The following URI1 variants were observed in gnomAD, a reference collection of about 807,000 sequenced individuals.
URI1 encodes unconventional prefoldin RPB5 interactor 1.
A neutral mutation model predicts 60.2 loss-of-function variants in URI1; 39 were observed. The observed-to-expected ratio is 0.65, with a 90% confidence interval of 0.50 to 0.85. URI1 has a LOEUF of 0.85. Among genes scored for constraint, URI1 ranks in the 40% least tolerant of loss-of-function variants. URI1 has a pLI of 0.00. For synonymous variants in URI1, 251 were observed against 236.8 expected, an observed-to-expected ratio of 1.06 and a Z score of -0.55; for missense variants, 691 against 665.9, an observed-to-expected ratio of 1.04 and a Z score of -0.42.
rs2054973142 is a variant in URI1, at chr19:29,936,406, CTA to C, written c.63+12654_63+12655del. Among the ~76,000 whole-genome samples, 3 of 152,204 alleles carry C rather than the reference CTA, an allele frequency of 2.0e-5. No homozygotes were observed. In the East Asian group the frequency reaches 5.8e-4, roughly 29 times the overall value. On this transcript the variant is annotated intron_variant, in intron 1 of 10. Coordinates refer to the URI1 transcript ENST00000360605. Reference sequence around the variant, plus strand: ...GCCTGAGCCACTGCACCCAGCCCCTCTATGGTTTCTGATGAAAGCTTAGCTAT... The same window carrying C: ...GCCTGAGCCACTGCACCCAGCCCCTCTGGTTTCTGATGAAAGCTTAGCTAT...
At chr19:29,934,678 G>A (rs1369862550) in intron 1 of URI1, among the ~76,000 whole-genome samples, 2 of 152,156 alleles carry the variant, frequency 1.3e-5, no homozygotes, top group African/African-American at 4.8e-5. Context: ...TGTGACTACA[G>A]GCATGTGCCA....
At chr19:30,011,647 A>C (rs912270336) in intron 9 of URI1, among the ~76,000 whole-genome samples, 3 of 149,874 alleles carry the variant, frequency 2.0e-5, no homozygotes, top group African/African-American at 7.4e-5. Flanking sequence ...TTTTTTTGGA[A>C]TTGTTTGTTG....
At chr19:29,934,092 C>T (rs1021241751) in intron 1 of URI1, among the ~76,000 whole-genome samples, 12 of 151,394 alleles carry the variant, frequency 7.9e-5, no homozygotes, top group Admixed American at 3.3e-4. Flanking sequence ...CCTGCCACCA[C>T]GCCCGGCTAA....
chr19:29,965,267 A>G (rs1295723578), intron 1 of URI1, among the ~76,000 whole-genome samples: 2 of 152,130 alleles, frequency 1.3e-5, no homozygotes, highest in Non-Finnish European at 2.9e-5. Context: ...GTGGCTACAG[A>G]CGGAGAAATG....
chr19:29,954,506 A>G (rs899363886), intron 1 of URI1, among the ~76,000 whole-genome samples: 1 of 130,774 alleles, frequency 7.6e-6, no homozygotes, highest in Non-Finnish European at 1.6e-5. Context: ...ACCCCTACAG[A>G]TAAACTTTTT....
chr19:29,980,070 T>G (rs2055573827), intron 2 of URI1: 1 of 152,168 alleles, frequency 6.6e-6, no homozygotes, highest in Admixed American at 6.5e-5. Flanking sequence ...AAAAAATCAT[T>G]ATTTCTTGCT....
chr19:29,929,030 A>G (rs1019128482), intron 1 of URI1, among the ~76,000 whole-genome samples: 1 of 152,210 alleles, frequency 6.6e-6, no homozygotes, highest in Non-Finnish European at 1.5e-5. Context: ...TTTGCACATT[A>G]TCATGGTCAC....
intron 1 of URI1, among the ~76,000 whole-genome samples, chr19:29,954,685 A>T (rs2055221832): frequency 6.6e-6 from 1 of 151,772 alleles, no homozygotes; most frequent in South Asian, 2.1e-4. Context: ...CGGCTAATTT[A>T]AAAAATATTT....
rs529642055 is a variant in URI1 at position 29,946,224 on chromosome 19, G to C, written c.117+3560G>C. On this transcript the variant is annotated intron_variant, in intron 1 of 10. Transcript: ENST00000392271. ...AATGGAAGCTTAACCTGTCTAGACT[G>C]TGACCTATACCATAAAATGTGTGGT... is the stretch of plus-strand genomic sequence containing the variant. Among the ~76,000 whole-genome samples, 6 of 152,284 alleles carry C rather than the reference G, an allele frequency of 3.9e-5. No individual in the cohort carries two copies. The South Asian group carries it at 1.2e-3, about 32-fold the overall frequency.
Position 30,015,472 on chromosome 19 carries a change from C to T in URI1, c.*403C>T. The T allele has an allele frequency of 6.6e-7, 1 of 1,520,150 alleles. No homozygotes were observed. Among genetic ancestry groups the T allele is most frequent in the South Asian group, 1.2e-5 (1 of 80,818 alleles). 94.2% of individuals were successfully genotyped at this position (1,520,150 alleles called of 1,614,324 possible). ...AAAATTTTAAAATTTCAAATAGATTCAACAATTACATTACTTGCTTTCACA... is the reference window on the plus strand; with the variant it reads ...AAAATTTTAAAATTTCAAATAGATTTAACAATTACATTACTTGCTTTCACA... On this transcript the variant is annotated 3_prime_UTR_variant, in exon 11 of 11. Transcript: ENST00000392271.
chr19:29,990,777 A>G (rs141218492), intron 4 of URI1, among the ~76,000 whole-genome samples: 141 of 152,352 alleles, frequency 9.3e-4, no homozygotes, highest in Middle Eastern at 3.4e-3. Context: ...ATGAAAATAC[A>G]AAAATACAGA....
intron 1 of URI1, among the ~76,000 whole-genome samples, chr19:29,945,574 A>G (rs1490792767): frequency 1.3e-5 from 2 of 152,236 alleles, no homozygotes; most frequent in African/African-American, 2.4e-5. Context: ...AAAACAATTT[A>G]TTTTAGTTAG....
At chr19:30,002,779 TATA>T (rs1210402595) in intron 4 of URI1, among the ~76,000 whole-genome samples, 9 of 152,020 alleles carry the variant, frequency 5.9e-5, no homozygotes, top group Admixed American at 3.9e-4. Context: ...TTCTTTTTTC[TATA>T]ATAATTGGTA....
Position 29,942,505 on chromosome 19 carries a change from T to A in URI1, c.-43T>A. 8.3e-7 allele frequency: 1 copy of A among 1,204,244 alleles called. No homozygotes were observed. Among genetic ancestry groups the A allele is most frequent in the Non-Finnish European group, 1.0e-6 (1 of 968,956 alleles). 74.6% of individuals were successfully genotyped at this position (1,204,244 alleles called of 1,614,324 possible). ...CCGGCCGCGCCGCCTGCGCAGGCGC[T>A]GGTTCAGGACTCACACGCCGCGCTG... On this transcript the variant is annotated 5_prime_UTR_variant, in exon 1 of 11. Transcript: ENST00000392271.
chr19:29,970,876 A>G (rs911446362), intron 1 of URI1, among the ~76,000 whole-genome samples: 1 of 152,094 alleles, frequency 6.6e-6, no homozygotes, highest in Non-Finnish European at 1.5e-5. Context: ...AATATTGAAA[A>G]CAGGTCTGTA....
intron 1 of URI1, among the ~76,000 whole-genome samples, chr19:29,952,096 C>T (rs2055187652): frequency 6.6e-6 from 1 of 152,142 alleles, no homozygotes; most frequent in African/African-American, 2.4e-5. Flanking sequence ...GCAGTCATCA[C>T]CATTTACCAT....
At chr19:29,954,061 T>C (rs2055212624) in intron 1 of URI1, among the ~76,000 whole-genome samples, 1 of 152,204 alleles carries the variant, frequency 6.6e-6, no homozygotes, top group South Asian at 2.1e-4. Context: ...TTCTTAAATT[T>C]TCCCCAGTCT....
intron 1 of URI1, chr19:29,956,268 G>A (rs886981005): frequency 1.8e-5 from 13 of 705,294 alleles, no homozygotes; most frequent in Admixed American, 1.4e-4. Flanking sequence ...GAGCCACGGC[G>A]CCTGGCCCAG....
intron 4 of URI1, among the ~76,000 whole-genome samples, chr19:29,996,479 TTGTGTGTG>T (rs140817981): frequency 2.0e-5 from 3 of 150,428 alleles, no homozygotes; most frequent in African/African-American, 4.9e-5. Context: ...CAAGGGTGTT[TTGTGTGTG>T]TGTGTGTGTG....
Sources: gnomAD v4.1 joint callset for allele counts (sites outside exome capture counted in the v4.1 genomes callset) on GRCh38, gnomAD v4.1.1 for gene constraint, MANE v1.5 for transcripts, NCBI Gene and HGNC (gene_info 2026-07-23, HGNC 2026-07-21) for gene names.